The following FRK variants were observed in gnomAD, a reference collection of about 807,000 sequenced individuals.
FRK encodes tyrosine-protein kinase FRK.
FRK carries 51 observed loss-of-function variants against 56.4 expected under a neutral mutation model. The ratio of observed to expected loss-of-function variants is 0.90; its 90% CI spans 0.72 to 1.14. FRK has a LOEUF of 1.14. Ranked by LOEUF, FRK falls within the 50% of genes most tolerant of loss-of-function variation. The pLI, the probability that FRK is intolerant of heterozygous loss-of-function variation, is 0.00. For missense variants in FRK, 570 were observed against 601.4 expected (o/e 0.95, Z 0.55); for synonymous variants, 245 against 217.9 (o/e 1.12, Z -1.10).
the FRK span, among the ~76,000 whole-genome samples, chr6:116,093,737 T>C: frequency 6.6e-6 from 1 of 152,184 alleles, no homozygotes; most frequent in Non-Finnish European, 1.5e-5. Context: ...ATGTCCACCA[T>C]AACTCAGGGA....
chr6:115,942,202 G>T lies in FRK; in HGVS notation c.*212C>A. On this transcript the variant is annotated 3_prime_UTR_variant, in exon 8 of 8. Transcript: ENST00000606080. ...AGTGTGCTTAATTTTACCAGGCAGT[G>T]AGGAAATTATATATCACCTTGACTG... 1 of 457,504 alleles carries T rather than the reference G, an allele frequency of 2.2e-6. No homozygotes were observed. The highest frequency in any genetic ancestry group is 3.9e-6 in the Non-Finnish European group (1 of 254,716). 28.3% of individuals were successfully genotyped at this position (457,504 alleles called of 1,614,324 possible).
At chr6:115,968,510 A>G in intron 3 of FRK, 66 bp downstream of exon 3, 1 of 1,548,496 alleles carries the variant, frequency 6.5e-7, no homozygotes, top group African/African-American at 1.4e-5. Flanking sequence ...TCCATGAAAA[A>G]TACTCAGATA....
intron 1 of FRK, among the ~76,000 whole-genome samples, chr6:116,014,813 G>T (rs1000935707): frequency 6.6e-6 from 1 of 152,164 alleles, no homozygotes; most frequent in Admixed American, 6.5e-5. Context: ...GAGGGTGAAA[G>T]CAAAGAGGAA....
chr6:116,030,141 T>C (rs906715098), intron 1 of FRK, among the ~76,000 whole-genome samples: 1 of 152,068 alleles, frequency 6.6e-6, no homozygotes, highest in Non-Finnish European at 1.5e-5. Context: ...TTTCCTGGCC[T>C]CATAGTAGAA....
chr6:116,026,950 T>A (rs578223899), intron 1 of FRK, among the ~76,000 whole-genome samples: 1 of 152,138 alleles, frequency 6.6e-6, no homozygotes, highest in African/African-American at 2.4e-5. Context: ...GAATTTATAA[T>A]AAATCTCTGA....
At chr6:116,057,041 C>T (rs968415051) in intron 1 of FRK, among the ~76,000 whole-genome samples, 1 of 152,144 alleles carries the variant, frequency 6.6e-6, no homozygotes, top group Admixed American at 6.5e-5. Context: ...TTCCCTGGCA[C>T]CAATAACTCC....
the FRK span, among the ~76,000 whole-genome samples, chr6:116,099,059 A>G: frequency 6.6e-6 from 1 of 152,232 alleles, no homozygotes; most frequent in Non-Finnish European, 1.5e-5. Flanking sequence ...CAAGTACATA[A>G]GATTGTTGAT....
At position 115,943,126 on chromosome 6, in the gene FRK, A is replaced by G. The variant is rs756925110; in HGVS notation, c.1200T>C (p.Thr400=). 19 of 1,613,122 alleles carry G rather than the reference A, an allele frequency of 1.2e-5. No individual in the cohort carries two copies. Among genetic ancestry groups the G allele is most frequent in the Non-Finnish European group, 1.5e-5 (18 of 1,179,576 alleles). The change falls in exon 7 of 8, where the codon ACT becomes ACC. Residue 400 remains threonine, a synonymous_variant. Transcript: ENST00000606080. ...RHEIKLPVKW[T]APEAIRSNKF... Reference sequence around the variant, plus strand: ...TATTACTACGAATGGCTTCGGGCGCAGTCCACTTCACCGGCAGCTTTATTT... The same window carrying G: ...TATTACTACGAATGGCTTCGGGCGCGGTCCACTTCACCGGCAGCTTTATTT...
At chr6:116,037,073 T>C (rs1776514726) in intron 1 of FRK, among the ~76,000 whole-genome samples, 1 of 152,192 alleles carries the variant, frequency 6.6e-6, no homozygotes, top group African/African-American at 2.4e-5. Flanking sequence ...ATCACTGCTT[T>C]CTTTGTAGAC....
rs1777583950 is a variant in FRK at position 116,060,369 on chromosome 6, A to G, written c.-58T>C. Reference sequence around the variant, plus strand: ...TCTCCCTCTCCCCTTAGTCTCTGCGATCCACCTTATCTTCCTTCACCAGGC... The same window carrying G: ...TCTCCCTCTCCCCTTAGTCTCTGCGGTCCACCTTATCTTCCTTCACCAGGC... On this transcript the variant is annotated 5_prime_UTR_variant, in exon 1 of 8. Coordinates refer to ENST00000606080, the MANE Select transcript of FRK (RefSeq NM_002031.3). The G allele has an allele frequency of 1.5e-6, 2 of 1,365,846 alleles. No individual in the cohort carries two copies. The highest frequency in any genetic ancestry group is 1.4e-5 in the African/African-American group (1 of 69,118). The allele number at this position is 1,365,846 out of a possible 1,614,324, so 84.6% of individuals were successfully genotyped here.
At chr6:115,978,830 G>T (rs1363761167) in intron 2 of FRK, among the ~76,000 whole-genome samples, 1 of 152,038 alleles carries the variant, frequency 6.6e-6, no homozygotes, top group East Asian at 1.9e-4. Flanking sequence ...TATATTTTTT[G>T]TTATTATTTG....
At chr6:115,984,553 T>A (rs941485443) in intron 2 of FRK, among the ~76,000 whole-genome samples, 10 of 151,976 alleles carry the variant, frequency 6.6e-5, no homozygotes, top group Non-Finnish European at 1.2e-4. Flanking sequence ...TCAGCACATG[T>A]TTGATGGATA....
chr6:116,063,664 C>A (rs1393981927), upstream of FRK, among the ~76,000 whole-genome samples: 1 of 152,038 alleles, frequency 6.6e-6, no homozygotes, highest in Non-Finnish European at 1.5e-5. Context: ...TGTTAATTAG[C>A]TTGAGTCAAT....
At chr6:116,033,710 A>G (rs776459469) in intron 1 of FRK, among the ~76,000 whole-genome samples, 17 of 152,152 alleles carry the variant, frequency 1.1e-4, no homozygotes, top group Non-Finnish European at 1.8e-4. Flanking sequence ...TCAGAAGTCA[A>G]CTCTAAGTCA....
intron 1 of FRK, among the ~76,000 whole-genome samples, chr6:116,049,350 T>C (rs1777104645): frequency 6.6e-6 from 1 of 152,232 alleles, no homozygotes; most frequent in South Asian, 2.1e-4. Context: ...TTCATCTCTC[T>C]AGGCTTTTAG....
chr6:115,945,874 A>G (rs1772425810), intron 5 of FRK, among the ~76,000 whole-genome samples: 2 of 152,130 alleles, frequency 1.3e-5, no homozygotes, highest in African/African-American at 4.8e-5. Context: ...TAAAAAATTT[A>G]TATAGTACAA....
At chr6:115,997,815 A>C (rs555124344) in intron 2 of FRK, among the ~76,000 whole-genome samples, 2 of 152,330 alleles carry the variant, frequency 1.3e-5, no homozygotes, top group East Asian at 1.9e-4. Flanking sequence ...ATTGCAAAGC[A>C]AAGGGTTCAC....
intron 5 of FRK, among the ~76,000 whole-genome samples, chr6:115,950,875 T>C (rs1242739630): frequency 6.6e-6 from 1 of 152,164 alleles, no homozygotes; most frequent in African/African-American, 2.4e-5. Context: ...TGCAGGAACA[T>C]GGATGAAGCT....
At chr6:115,947,317 AGTGT>A (rs10577529) in intron 5 of FRK, among the ~76,000 whole-genome samples, 66,339 of 149,564 alleles carry the variant, frequency 0.44, 14,977 homozygotes, top group East Asian at 0.78. Context: ...AGACTTAAAC[AGTGT>A]GTGTGTGTGT....
Sources: gnomAD v4.1 joint callset for allele counts (sites outside exome capture counted in the v4.1 genomes callset) on GRCh38, gnomAD v4.1.1 for gene constraint, MANE v1.5 for transcripts, NCBI Gene and HGNC (gene_info 2026-07-23, HGNC 2026-07-21) for gene names.